DNM3: variants seen among roughly 807,000 people sequenced by gnomAD.
The protein encoded by DNM3 is dynamin-3.
DNM3 carries 47 observed loss-of-function variants against 101.6 expected under a neutral mutation model. The observed-to-expected ratio is 0.46, with a 90% CI of 0.37 to 0.59. DNM3 has a LOEUF of 0.59. Ranked by LOEUF, DNM3 falls within the 20% of genes least tolerant of loss-of-function variation. DNM3 has a pLI of 0.00. For synonymous variants in DNM3, 385 were observed against 387.9 expected (o/e 0.99, Z 0.09); for missense variants, 849 against 1,085.7 (o/e 0.78, Z 3.06).
rs1478648822 is a variant in DNM3, at chr1:172,226,703, G to C, written c.1660-26870G>C. On this transcript the variant is annotated intron_variant, in intron 14 of 20. Coordinates refer to ENST00000627582, the MANE Select transcript of DNM3 (RefSeq NM_015569.5). Reference sequence around the variant, plus strand: ...TTAGTACAATAAGCACTCAACCAATGTTAACTATTATTAATATGTGTCATA... The same window carrying C: ...TTAGTACAATAAGCACTCAACCAATCTTAACTATTATTAATATGTGTCATA... 2.0e-5 allele frequency among the ~76,000 whole-genome samples: 3 copies of C among 152,074 alleles called. 1 individual carries two copies. Among genetic ancestry groups the C allele is most frequent in the African/African-American group, 7.2e-5 (3 of 41,420 alleles).
intron 15 of DNM3, chr1:172,289,680 G>A (rs1203195365): frequency 3.0e-6 from 3 of 984,558 alleles, no homozygotes; most frequent in Non-Finnish European, 3.6e-6. Context: ...TAATAATAAA[G>A]TGTACCTGAT....
intron 1 of DNM3, among the ~76,000 whole-genome samples, chr1:171,862,804 G>A (rs928456661): frequency 5.9e-5 from 9 of 152,178 alleles, no homozygotes; most frequent in Admixed American, 1.3e-4. Context: ...ATGAAAGAAG[G>A]AAAAGAGAAG....
At chr1:171,899,156 A>G (rs1399372723) in intron 1 of DNM3, among the ~76,000 whole-genome samples, 1 of 152,214 alleles carries the variant, frequency 6.6e-6, no homozygotes, top group Non-Finnish European at 1.5e-5. Context: ...AGCAGGCTTC[A>G]TCTCTACCCT....
intron 4 of DNM3, among the ~76,000 whole-genome samples, chr1:171,991,779 C>T (rs1023427563): frequency 9.9e-5 from 15 of 152,160 alleles, no homozygotes; most frequent in African/African-American, 3.6e-4. Context: ...ACCCATTAGC[C>T]TGCAAAAAGA....
intron 14 of DNM3, among the ~76,000 whole-genome samples, chr1:172,152,154 G>A (rs1379843369): frequency 6.6e-6 from 1 of 152,086 alleles, no homozygotes; most frequent in African/African-American, 2.4e-5. Flanking sequence ...AATGTGTTGG[G>A]ATTACAGGCA....
At chr1:172,082,134 C>G (rs2053198677) in intron 12 of DNM3, among the ~76,000 whole-genome samples, 1 of 152,174 alleles carries the variant, frequency 6.6e-6, no homozygotes, top group Non-Finnish European at 1.5e-5. Flanking sequence ...TCATGTATGT[C>G]TTACATACTT....
chr1:172,256,648 T>A (rs1235657709), intron 15 of DNM3, among the ~76,000 whole-genome samples: 1 of 151,986 alleles, frequency 6.6e-6, no homozygotes, highest in Non-Finnish European at 1.5e-5. Flanking sequence ...GAACATCTAT[T>A]GTGTATATTT....
chr1:172,089,701 G>A lies in DNM3; in HGVS notation c.1494-3123G>A, dbSNP rs142107965. 1.8e-4 allele frequency among the ~76,000 whole-genome samples: 28 copies of A among 152,230 alleles called. No homozygotes were observed. In the East Asian group the frequency reaches 5.4e-3, roughly 29 times the overall value. ...TTTTCTAACTCTAATATTTGAGATTGGCTTATAAAGTAAATCTACTTTTCC... is the reference window on the plus strand; with the variant it reads ...TTTTCTAACTCTAATATTTGAGATTAGCTTATAAAGTAAATCTACTTTTCC... On this transcript the variant is annotated intron_variant, in intron 12 of 20. Transcript: ENST00000627582.
At chr1:171,901,505 C>T (rs771486324) in intron 1 of DNM3, among the ~76,000 whole-genome samples, 1 of 152,052 alleles carries the variant, frequency 6.6e-6, no homozygotes, top group Non-Finnish European at 1.5e-5. Flanking sequence ...GGAGGAGCCG[C>T]GTGGGTGAGG....
intron 17 of DNM3, among the ~76,000 whole-genome samples, chr1:172,332,806 G>C (rs568641684): frequency 1.3e-5 from 2 of 152,280 alleles, no homozygotes; most frequent in African/African-American, 4.8e-5. Flanking sequence ...AATTCAAATG[G>C]ACAGGAAGTA....
At chr1:172,052,518 T>C (rs1310833593) in intron 10 of DNM3, among the ~76,000 whole-genome samples, 2 of 152,192 alleles carry the variant, frequency 1.3e-5, no homozygotes, top group African/African-American at 4.8e-5. Flanking sequence ...TCATCTCCAG[T>C]TAATTCCTCA....
At chr1:172,243,229 T>C (rs1351229118) in intron 14 of DNM3, among the ~76,000 whole-genome samples, 4 of 152,154 alleles carry the variant, frequency 2.6e-5, no homozygotes, top group African/African-American at 9.7e-5. Flanking sequence ...AATATAAATA[T>C]ATGAGAACAA....
chr1:171,987,535 G>A, intron 2 of DNM3, 121 bp from the exon 3 acceptor site: 1 of 1,051,402 alleles, frequency 9.5e-7, no homozygotes, highest in Non-Finnish European at 1.3e-6. Flanking sequence ...GTGTTCTGTG[G>A]GATGTTCATG....
At chr1:171,868,776 C>A (rs2035000546) in intron 1 of DNM3, among the ~76,000 whole-genome samples, 1 of 151,990 alleles carries the variant, frequency 6.6e-6, no homozygotes, top group South Asian at 2.1e-4. Flanking sequence ...TTCTGGTGTC[C>A]TTTGTACAAT....
chr1:171,989,828 A>C (rs2045517910), intron 4 of DNM3, among the ~76,000 whole-genome samples: 2 of 152,106 alleles, frequency 1.3e-5, no homozygotes, highest in South Asian at 4.1e-4. Context: ...TTCAATATGG[A>C]GATACATGTT....
At chr1:172,255,710 T>C (rs114949602) in intron 15 of DNM3, among the ~76,000 whole-genome samples, 1,898 of 152,238 alleles carry the variant, frequency 0.012, 43 homozygotes, top group African/African-American at 0.043. Context: ...CATTGTCTTC[T>C]CCTTTGAAAT....
chr1:172,370,259 T>C (rs1280542211), intron 17 of DNM3: 1 of 151,952 alleles, frequency 6.6e-6, no homozygotes, highest in African/African-American at 2.4e-5. Flanking sequence ...TATACTTCAA[T>C]TGGACAGTGC....
intron 10 of DNM3, among the ~76,000 whole-genome samples, chr1:172,062,486 TTC>T (rs1197404846): frequency 6.6e-6 from 1 of 152,164 alleles, no homozygotes; most frequent in Non-Finnish European, 1.5e-5. Flanking sequence ...TTCTCTTCAT[TTC>T]TCTGTTTAAA....
intron 17 of DNM3, among the ~76,000 whole-genome samples, chr1:172,324,325 G>A (rs535139813): frequency 6.6e-5 from 10 of 152,238 alleles, no homozygotes; most frequent in African/African-American, 2.2e-4. Flanking sequence ...CAAAATTTCT[G>A]TTCATAAGCC....
Sources: gnomAD v4.1 joint callset for allele counts (sites outside exome capture counted in the v4.1 genomes callset) on GRCh38, gnomAD v4.1.1 for gene constraint, MANE v1.5 for transcripts, NCBI Gene and HGNC (gene_info 2026-07-23, HGNC 2026-07-21) for gene names.